Variants in CTNNA3 observed in about 807,000 individuals in gnomAD.
The protein encoded by CTNNA3 is catenin alpha-3.
CTNNA3 carries 76 observed loss-of-function variants against 95.7 expected under a neutral mutation model. The observed-to-expected ratio is 0.79, with a 90% CI of 0.66 to 0.96. The LOEUF (loss-of-function observed/expected upper bound fraction) is 0.96, where lower values mean the gene tolerates loss of function less well. Among genes scored for constraint, CTNNA3 ranks in the 40% least tolerant of loss-of-function variants. CTNNA3 has a pLI of 0.00. For synonymous variants in CTNNA3, 431 were observed against 374.4 expected, an observed-to-expected ratio of 1.15 and a Z score of -1.74; for missense variants, 1,191 against 1,089.8, an observed-to-expected ratio of 1.09 and a Z score of -1.31.
intron 5 of CTNNA3, among the ~76,000 whole-genome samples, chr10:67,396,792 C>T (rs1844721969): frequency 5.5e-5 from 1 of 18,268 alleles, no homozygotes; most frequent in Non-Finnish European, 1.0e-4. Context: ...GTAATTGAAT[C>T]GTGGGGGCAG....
Position 66,401,999 on chromosome 10 carries a change from A to G in CTNNA3, c.1532-22647T>C, listed in dbSNP as rs74141492. ...GTGGTAAATAGAAATTTAGTTGTAAATAGATAGCTCCACCGATAGTGAGGT... is the reference window on the plus strand; with the variant it reads ...GTGGTAAATAGAAATTTAGTTGTAAGTAGATAGCTCCACCGATAGTGAGGT... On this transcript the variant is annotated intron_variant, in intron 11 of 17. Coordinates refer to ENST00000433211, the MANE Select transcript of CTNNA3 (RefSeq NM_013266.4). Among the ~76,000 whole-genome samples the G allele has an allele frequency of 4.7e-3, 719 of 152,230 alleles. 5 individuals are homozygous for G. Among genetic ancestry groups the G allele is most frequent in the Middle Eastern group, 0.02 (6 of 294 alleles).
intron 12 of CTNNA3, among the ~76,000 whole-genome samples, chr10:66,338,363 A>T (rs1240146674): frequency 2.6e-5 from 4 of 152,128 alleles, no homozygotes; most frequent in African/African-American, 9.6e-5. Context: ...TCAAAAACTG[A>T]CTTATGGTGA....
At chr10:67,283,643 T>C (rs1839485222) in intron 5 of CTNNA3, among the ~76,000 whole-genome samples, 1 of 152,182 alleles carries the variant, frequency 6.6e-6, no homozygotes, top group African/African-American at 2.4e-5. Flanking sequence ...ATCACATACT[T>C]GATCTCTCAA....
chr10:66,972,295 A>G (rs1849763659), intron 7 of CTNNA3, among the ~76,000 whole-genome samples: 1 of 152,120 alleles, frequency 6.6e-6, no homozygotes, highest in Non-Finnish European at 1.5e-5. Context: ...AATCAGCTCA[A>G]AATTTATTAT....
At chr10:66,420,669 TGTGCCTGTA>T (rs963387381) in intron 11 of CTNNA3, among the ~76,000 whole-genome samples, 2 of 151,860 alleles carry the variant, frequency 1.3e-5, no homozygotes, top group Non-Finnish European at 2.9e-5. Flanking sequence ...CGTGATGGCA[TGTGCCTGTA>T]GTACCAGCTA....
chr10:67,019,795 C>T (rs574129611), intron 7 of CTNNA3, among the ~76,000 whole-genome samples: 12 of 152,262 alleles, frequency 7.9e-5, no homozygotes, highest in African/African-American at 2.9e-4. Flanking sequence ...ACTTTTGATG[C>T]TCCTTACTCA....
At chr10:66,354,612 C>T (rs908454111) in intron 12 of CTNNA3, among the ~76,000 whole-genome samples, 2 of 151,944 alleles carry the variant, frequency 1.3e-5, no homozygotes, top group Admixed American at 1.3e-4. Flanking sequence ...GTTGAAAATG[C>T]CTCCTCTTTT....
rs149647992 is a variant in CTNNA3, at chr10:66,584,903, T to G, written c.1374+36789A>C. 3.6e-3 allele frequency among the ~76,000 whole-genome samples: 553 copies of G among 152,156 alleles called. 8 individuals are homozygous for G. The highest frequency in any genetic ancestry group is 0.018 in the East Asian group (91 of 5,178). On this transcript the variant is annotated intron_variant, in intron 10 of 17. Transcript: ENST00000433211. ...TAGTATTGACAAATTCCTTCACCAT[T>G]TACTTGTCTGAGAAAAACTATTTCT...
intron 5 of CTNNA3, among the ~76,000 whole-genome samples, chr10:67,489,459 T>A (rs985938215): frequency 1.8e-4 from 28 of 152,224 alleles, no homozygotes; most frequent in African/African-American, 6.3e-4. Flanking sequence ...TTTGAGCATG[T>A]ATTCACTAGA....
At chr10:66,144,219 G>T (rs1276152317) in intron 13 of CTNNA3, among the ~76,000 whole-genome samples, 1 of 152,076 alleles carries the variant, frequency 6.6e-6, no homozygotes, top group East Asian at 1.9e-4. Context: ...ACTACCTCAT[G>T]CATTTTTTCT....
At chr10:66,931,765 T>A (rs1847407629) in intron 7 of CTNNA3, among the ~76,000 whole-genome samples, 1 of 152,254 alleles carries the variant, frequency 6.6e-6, no homozygotes, top group Middle Eastern at 3.4e-3. Flanking sequence ...ACAGAGGCCA[T>A]AGAATTGGTA....
intron 13 of CTNNA3, among the ~76,000 whole-genome samples, chr10:66,261,085 A>C (rs932935857): frequency 6.6e-6 from 1 of 152,068 alleles, no homozygotes; most frequent in Non-Finnish European, 1.5e-5. Flanking sequence ...AAATGAGAGA[A>C]TGTATGTGAA....
intron 7 of CTNNA3, among the ~76,000 whole-genome samples, chr10:66,937,316 C>T (rs1847761473): frequency 6.6e-6 from 1 of 152,082 alleles, no homozygotes; most frequent in Admixed American, 6.6e-5. Flanking sequence ...AAAGAATCAG[C>T]ATTTGTTAAA....
intron 9 of CTNNA3, among the ~76,000 whole-genome samples, chr10:66,706,952 C>A (rs1444035180): frequency 6.6e-6 from 1 of 151,926 alleles, no homozygotes. Flanking sequence ...AGAGACATTG[C>A]AAAACACTAT....
intron 7 of CTNNA3, among the ~76,000 whole-genome samples, chr10:66,808,002 G>A (rs988339764): frequency 1.6e-4 from 24 of 151,960 alleles, no homozygotes; most frequent in African/African-American, 5.6e-4. Flanking sequence ...TTATTTTATT[G>A]TATTTGGAGT....
At chr10:67,305,243 T>C (rs1025230639) in intron 5 of CTNNA3, among the ~76,000 whole-genome samples, 3 of 152,042 alleles carry the variant, frequency 2.0e-5, no homozygotes, top group Non-Finnish European at 2.9e-5. Context: ...GCCACTGCAC[T>C]CCAGCCTGGG....
intron 11 of CTNNA3, among the ~76,000 whole-genome samples, chr10:66,400,015 C>A (rs572312216): frequency 2.0e-5 from 3 of 151,908 alleles, no homozygotes; most frequent in African/African-American, 4.8e-5. Flanking sequence ...AATTAAGATC[C>A]TAAAGGCATA....
At chr10:66,276,264 T>A (rs1449038462) in intron 13 of CTNNA3, among the ~76,000 whole-genome samples, 2 of 152,152 alleles carry the variant, frequency 1.3e-5, no homozygotes, top group Admixed American at 6.6e-5. Context: ...GCGCCTTTGA[T>A]AAGGCACATA....
intron 10 of CTNNA3, among the ~76,000 whole-genome samples, chr10:66,575,571 A>C (rs1184981566): frequency 6.6e-6 from 1 of 152,144 alleles, no homozygotes; most frequent in Admixed American, 6.6e-5. Context: ...CTCATTTTGA[A>C]GATGAAGCTT....
Sources: allele counts gnomAD v4.1 joint callset (sites outside exome capture counted in the v4.1 genomes callset), GRCh38; gene constraint gnomAD v4.1.1; transcripts MANE v1.5; gene names NCBI Gene and HGNC (gene_info 2026-07-23, HGNC 2026-07-21).